The following NLRP2 variants were observed in gnomAD, a reference collection of about 807,000 sequenced individuals.
The protein encoded by NLRP2 is NLR family pyrin domain containing 2, also known as NACHT, LRR and PYD domains-containing protein 2.
A neutral mutation model predicts 97.2 loss-of-function variants in NLRP2; 107 were observed. The ratio of observed to expected loss-of-function variants is 1.10; its 90% CI spans 0.94 to 1.29. NLRP2 has a LOEUF of 1.29. Ranked by LOEUF, NLRP2 falls within the 50% of genes most tolerant of loss-of-function variation. The probability of loss-of-function intolerance (pLI) is 0.00; values close to 1 mark genes in which losing one functional copy is unlikely to be tolerated. For missense variants in NLRP2, 1,495 were observed against 1,330.3 expected, an observed-to-expected ratio of 1.12 and a Z score of -1.93; for synonymous variants, 663 against 551.5, an observed-to-expected ratio of 1.20 and a Z score of -2.83.
chr19:54,990,912 C>T (rs1285483701), intron 10 of NLRP2: 8 of 566,714 alleles, frequency 1.4e-5, no homozygotes, highest in Non-Finnish European at 2.5e-5. Context: ...TTTTTTTTTC[C>T]TCTTTATGTA....
At chr19:54,996,054 C>CAA (rs1013592892) in intron 11 of NLRP2, among the ~76,000 whole-genome samples, 2,505 of 115,800 alleles carry the variant, frequency 0.022, 89 homozygotes, top group African/African-American at 0.07. Flanking sequence ...AAAAAAAAAA[C>CAA]AAAAAAAACA....
Position 54,970,301 on chromosome 19 carries a change from T to G in NLRP2, c.280+6T>G. The G allele has an allele frequency of 1.2e-6, 2 of 1,613,628 alleles. No individual in the cohort carries two copies. Among genetic ancestry groups the G allele is most frequent in the Non-Finnish European group, 1.7e-6 (2 of 1,179,882 alleles). The stretch of plus-strand genomic sequence containing the variant: ...AGCAAAGGATGAAGTCAGAGGTGAG[T>G]GGAAATCGGTCCACACTGTGTCCTA... On this transcript the variant is annotated splice_donor_region_variant and intron_variant, in intron 2 of 12. Coordinates refer to ENST00000448584, the MANE Select transcript of NLRP2 (RefSeq NM_017852.5).
Position 54,977,654 on chromosome 19 carries a change from T to C in NLRP2, c.326-98T>C, listed in dbSNP as rs1222143871. ...TCAACGTCCTTTTTAGTACCTAATC[T>C]AGGCTTCACTACTGAGACTCAGGGG... On this transcript the variant is annotated intron_variant, in intron 3 of 12. Transcript: ENST00000448584. The C allele has an allele frequency of 4.4e-6, 5 of 1,129,452 alleles. No individual in the cohort carries two copies. In the East Asian group the frequency reaches 1.2e-4, roughly 26 times the overall value. 70.0% of individuals were successfully genotyped at this position (1,129,452 alleles called of 1,614,324 possible).
At chr19:54,997,593 C>A in intron 12 of NLRP2, 106 bp downstream of exon 12, 1 of 1,194,188 alleles carries the variant, frequency 8.4e-7, no homozygotes, top group Non-Finnish European at 1.2e-6. Flanking sequence ...AGCTGGATTA[C>A]AGGTTCCCGC....
chr19:54,977,753 G>T lies in NLRP2; in HGVS notation c.327G>T (p.Gly109=). The T allele has an allele frequency of 1.2e-6, 2 of 1,613,758 alleles. No individual in the cohort carries two copies. The highest frequency in any genetic ancestry group is 2.2e-5 in the South Asian group (2 of 91,074). The change falls in exon 4 of 13, where the codon GGG becomes GGT. Residue 109 remains glycine, a splice_region_variant and synonymous_variant. Transcript: ENST00000448584. ...SFNKRKPLSL[G]ITRKERPPLD... is the part of the protein sequence containing the mutation. ...TGTAATGCCGCCCTTTTTCTCCAGGGATAACACGGAAAGAACGACCACCTC... is the reference window on the plus strand; with the variant it reads ...TGTAATGCCGCCCTTTTTCTCCAGGTATAACACGGAAAGAACGACCACCTC...
intron 10 of NLRP2, among the ~76,000 whole-genome samples, chr19:54,992,574 G>T (rs376074762): frequency 2.1e-3 from 202 of 94,822 alleles, no homozygotes; most frequent in South Asian, 3.1e-3. Context: ...TTTTTTTTTG[G>T]TTTTTTTTTT....
chr19:54,978,401 AT>A (rs974572512), intron 4 of NLRP2, among the ~76,000 whole-genome samples: 8 of 151,038 alleles, frequency 5.3e-5, no homozygotes, highest in South Asian at 2.1e-4. Flanking sequence ...CGCCCAGCTA[AT>A]TTTTTTTTGT....
intron 3 of NLRP2, among the ~76,000 whole-genome samples, chr19:54,976,504 G>C (rs189292917): frequency 6.6e-6 from 1 of 151,354 alleles, no homozygotes; most frequent in Non-Finnish European, 1.5e-5. Flanking sequence ...CTACCACCAC[G>C]TCTGGCTAAT....
At chr19:54,975,374 A>G (rs1447059202) in intron 3 of NLRP2, among the ~76,000 whole-genome samples, 1 of 142,320 alleles carries the variant, frequency 7.0e-6, no homozygotes, top group Non-Finnish European at 1.5e-5. Context: ...CTCCTGCCTC[A>G]CCCTCCCAAA....
Position 55,000,751 on chromosome 19 carries a change from G to T in NLRP2, c.3051-9G>T. 6.2e-7 allele frequency: 1 copy of T among 1,613,348 alleles called. No individual in the cohort carries two copies. The highest frequency in any genetic ancestry group is 8.5e-7 in the Non-Finnish European group (1 of 1,179,568). On this transcript the variant is annotated splice_polypyrimidine_tract_variant and intron_variant, in intron 12 of 12. Transcript: ENST00000448584. ...CAAAGTAACCTTTTCTTCCCCCATT[G>T]TACCCCAGGTTGAAAATCGATGACT... is the stretch of plus-strand genomic sequence containing the variant.
At chr19:54,990,991 A>T (rs1245064057) in intron 10 of NLRP2, 2 of 397,532 alleles carry the variant, frequency 5.0e-6, no homozygotes, top group East Asian at 9.8e-5. Context: ...AGCTCAAGAG[A>T]TCTGCCTGCC....
At chr19:54,968,713 T>TTTTTTTTTTTTTTTTTTTG (rs1454134577) in intron 1 of NLRP2, among the ~76,000 whole-genome samples, 1 of 135,666 alleles carries the variant, frequency 7.4e-6, no homozygotes, top group Non-Finnish European at 1.6e-5. Context: ...TTTTTTTTTT[T>TTTTTTTTTTTTTTTTTTTG]GAGACAGTTT....
At chr19:54,972,697 G>C (rs1164125289) in intron 2 of NLRP2, among the ~76,000 whole-genome samples, 1 of 151,882 alleles carries the variant, frequency 6.6e-6, no homozygotes, top group African/African-American at 2.4e-5. Flanking sequence ...GGGCTCAACC[G>C]ATCCTCCTGC....
At chr19:54,975,677 C>G (rs904917917) in intron 3 of NLRP2, among the ~76,000 whole-genome samples, 2 of 151,942 alleles carry the variant, frequency 1.3e-5, no homozygotes, top group African/African-American at 4.8e-5. Flanking sequence ...TGGTCTCGAT[C>G]TCCTGACCTT....
At position 54,970,278 on chromosome 19, in the gene NLRP2, C is replaced by A; in HGVS notation, c.263C>A (p.Ala88Glu). The change falls in exon 2 of 13, where the codon GCA becomes GAA. Residue 88 changes from alanine to glutamate, a missense_variant. Ala to Glu is a moderately radical substitution (Grantham distance 107). Transcript: ENST00000448584. Reference sequence around the variant, plus strand: ...CACCGAATGGATCTGTCTGAGAGAGCAAAGGATGAAGTCAGAGGTGAGTGG... The same window carrying A: ...CACCGAATGGATCTGTCTGAGAGAGAAAAGGATGAAGTCAGAGGTGAGTGG... ...KMHRMDLSERAKDEVREAALK... is the reference protein window; with the variant it reads ...KMHRMDLSEREKDEVREAALK... 2.5e-6 allele frequency: 4 copies of A among 1,614,106 alleles called. No homozygotes were observed. Among genetic ancestry groups the A allele is most frequent in the Non-Finnish European group, 3.4e-6 (4 of 1,180,008 alleles).
intron 2 of NLRP2, among the ~76,000 whole-genome samples, chr19:54,972,468 G>C (rs2070926178): frequency 1.3e-5 from 2 of 151,716 alleles, no homozygotes; most frequent in Admixed American, 1.3e-4. Context: ...GGTGTGAGCC[G>C]CCATGCCCAG....
chr19:54,982,418 A>C lies in NLRP2; in HGVS notation c.720A>C (p.Lys240Asn). 6.2e-7 allele frequency: 1 copy of C among 1,614,032 alleles called. No individual in the cohort carries two copies. The highest frequency in any genetic ancestry group is 8.5e-7 in the Non-Finnish European group (1 of 1,180,010). ...AGGACAACCTCATCCACAAATTCAAATATGCGTTCTACCTCAGCTGCAGGG... is the reference window on the plus strand; with the variant it reads ...AGGACAACCTCATCCACAAATTCAACTATGCGTTCTACCTCAGCTGCAGGG... ...WAEDNLIHKF[K>N]YAFYLSCREL... The change falls in exon 6 of 13, where the codon AAA becomes AAC. Residue 240 changes from lysine (K) to asparagine (N), a missense_variant. By Grantham distance (94) the Lys-to-Asn change is moderately conservative. Transcript: ENST00000448584.
chr19:54,992,505 T>TGTGTGTG (rs200135053), intron 10 of NLRP2, among the ~76,000 whole-genome samples: 1 of 141,046 alleles, frequency 7.1e-6, no homozygotes, highest in African/African-American at 2.6e-5. Flanking sequence ...TGGTTGTGTG[T>TGTGTGTG]GTGTGTGGTG....
At position 54,986,153 on chromosome 19, in the gene NLRP2, T is replaced by A. The variant is rs1391250233; in HGVS notation, c.2204T>A (p.Phe735Tyr). 1.2e-6 allele frequency: 2 copies of A among 1,612,128 alleles called. No individual in the cohort carries two copies. Among genetic ancestry groups the A allele is most frequent in the South Asian group, 2.2e-5 (2 of 91,052 alleles). Reference protein sequence around the residue: ...SDTCHLQRVVFKNISPADAHR... With the variant: ...SDTCHLQRVVYKNISPADAHR... ...CACTTTCGTTCTCTTTTCCCTAGGT[T>A]CAAAAACATTTCCCCAGCTGATGCT... is the stretch of plus-strand genomic sequence containing the variant. Residue 735 changes from phenylalanine to tyrosine, a missense_variant and splice_region_variant, in exon 8 of 13, where the codon TTC becomes TAC. Physicochemically the swap from Phe to Tyr is conservative, Grantham distance 22. Transcript: ENST00000448584.
Sources: gnomAD v4.1 joint callset for allele counts (sites outside exome capture counted in the v4.1 genomes callset) on GRCh38, gnomAD v4.1.1 for gene constraint, MANE v1.5 for transcripts, NCBI Gene and HGNC (gene_info 2026-07-23, HGNC 2026-07-21) for gene names.